Variants in TIRAP observed in about 807,000 individuals in gnomAD.
TIRAP encodes TIR domain containing adaptor protein.
Under a neutral mutation model 19.8 loss-of-function variants are expected in TIRAP, and 20 were observed. The observed-to-expected ratio is 1.01, with a 90% CI of 0.71 to 1.47. The LOEUF (loss-of-function observed/expected upper bound fraction) is 1.47. Among genes scored for constraint, TIRAP ranks in the 40% most tolerant of loss-of-function variants. TIRAP has a pLI of 0.00. For missense variants in TIRAP, 276 were observed against 285.1 expected, an observed-to-expected ratio of 0.97 and a Z score of 0.23; for synonymous variants, 125 against 121.7, an observed-to-expected ratio of 1.03 and a Z score of -0.18.
rs200346561 is a variant in TIRAP, at chr11:126,290,932, G to A, written c.38G>A (p.Arg13Gln). ...ACCTCCCTCCCAGCTCCTGGCTCTC[G>A]GCCTAAGAAGCCTCTAGGCAAGATG... is the stretch of plus-strand genomic sequence containing the variant. ...SSTSLPAPGS[R>Q]PKKPLGKMAD... The change falls in exon 3 of 5, where the codon CGG becomes CAG. Residue 13 changes from arginine to glutamine, a missense_variant. By Grantham distance (43) the Arg-to-Gln change is conservative. Transcript: ENST00000392679. This position sits in a 1 kb window ranked among gnomAD's most constrained non-coding sequence, Gnocchi z 4.9. 7.2e-5 allele frequency: 115 copies of A among 1,606,858 alleles called. No homozygotes were observed. The South Asian group carries it at 1.1e-3, about 15-fold the overall frequency.
rs1336541085 is a variant in TIRAP, at chr11:126,294,515, C to A, written c.*828C>A. The A allele has an allele frequency of 4.4e-6, 2 of 456,274 alleles. No homozygotes were observed. Among genetic ancestry groups the A allele is most frequent in the Non-Finnish European group, 8.8e-6 (2 of 226,960 alleles). 28.3% of individuals were successfully genotyped at this position (456,274 alleles called of 1,614,324 possible). On this transcript the variant is annotated 3_prime_UTR_variant, in exon 5 of 5. Coordinates refer to ENST00000392679, the MANE Select transcript of TIRAP (RefSeq NM_001318777.2). ...GACATCTGGGAGCTTCATCAGTGGT[C>A]TGGCTAAAGCTGATACTTTCACAGT... is the stretch of plus-strand genomic sequence containing the variant.
chr11:126,290,800 T>C lies in TIRAP; in HGVS notation c.-92-3T>C. 1 of 1,515,058 alleles carries C rather than the reference T, an allele frequency of 6.6e-7. No individual in the cohort carries two copies. The highest frequency in any genetic ancestry group is 8.8e-7 in the Non-Finnish European group (1 of 1,134,872). The allele number at this position is 1,515,058 out of a possible 1,614,324, so 93.9% of individuals were successfully genotyped here. ...TGTGATTCTCTCTCTCTACCCTCTG[T>C]AGGATGGCTGCTCCATGAGGTCAAG... On this transcript the variant is annotated splice_region_variant and splice_polypyrimidine_tract_variant and intron_variant, in intron 2 of 4. Transcript: ENST00000392679. The surrounding 1 kb of genome is among the most constrained non-coding windows in gnomAD (Gnocchi z 4.9).
intron 4 of TIRAP, 154 bp downstream of exon 4, chr11:126,293,209 AC>A: frequency 7.0e-7 from 1 of 1,419,544 alleles, no homozygotes; most frequent in Non-Finnish European, 9.6e-7. Context: ...GCACTTATTA[AC>A]CCATAAAAAG....
chr11:126,284,033 CTTTTTTTT>C (rs749115228), intron 1 of TIRAP, among the ~76,000 whole-genome samples: 1 of 113,174 alleles, frequency 8.8e-6, no homozygotes, highest in South Asian at 3.0e-4. Context: ...TCATGTACTT[CTTTTTTTT>C]TTTTTTTTTT....
intron 1 of TIRAP, among the ~76,000 whole-genome samples, chr11:126,283,385 T>C (rs528636775): frequency 6.6e-6 from 1 of 152,230 alleles, no homozygotes; most frequent in Non-Finnish European, 1.5e-5. Flanking sequence ...GAGGAGAATG[T>C]CACCTTTTCT....
At position 126,290,982 on chromosome 11, in the gene TIRAP, G is replaced by A. The variant is rs186799814; in HGVS notation, c.67+21G>A. On this transcript the variant is annotated intron_variant, in intron 3 of 4. Transcript: ENST00000392679. The surrounding 1 kb of genome is among the most constrained non-coding windows in gnomAD (Gnocchi z 4.9). ...GGCTGGTGAGTGGAACCGGACTCGC[G>A]ACTCTGCTGTGTTCCTGAGTGTAGT... 91 of 1,594,370 alleles carry A rather than the reference G, an allele frequency of 5.7e-5. 1 individual carries two copies. In the East Asian group the frequency reaches 1.4e-3, roughly 24 times the overall value.
Position 126,291,249 on chromosome 11 carries a change from T to A in TIRAP, c.67+288T>A, listed in dbSNP as rs1951381032. 1.8e-6 allele frequency: 1 copy of A among 569,788 alleles called. No individual in the cohort carries two copies. The highest frequency in any genetic ancestry group is 1.9e-5 in the African/African-American group (1 of 53,240). 35.3% of individuals were successfully genotyped at this position (569,788 alleles called of 1,614,324 possible). ...TGTGCTGAGTGCTTAACACTGTCTC[T>A]TGTCGTCCAAATCTTTGTTCCAGAA... On this transcript the variant is annotated intron_variant, in intron 3 of 4. Transcript: ENST00000392679. The surrounding 1 kb of genome is among the most constrained non-coding windows in gnomAD (Gnocchi z 5.6).
intron 3 of TIRAP, 141 bp from the exon 4 acceptor site, chr11:126,292,336 C>T (rs1951401168): frequency 1.3e-6 from 1 of 764,964 alleles, no homozygotes; most frequent in African/African-American, 1.8e-5. Context: ...AGCAACAGGT[C>T]TCTGAGAATA....
chr11:126,285,278 A>G (rs1017074416), intron 1 of TIRAP, among the ~76,000 whole-genome samples: 6 of 110,582 alleles, frequency 5.4e-5, no homozygotes, highest in Non-Finnish European at 8.3e-5. Context: ...ATTTTATTTG[A>G]TTTTTGAGAC....
chr11:126,290,538 GT>G lies in TIRAP; in HGVS notation c.-139del. 4 of 1,026,088 alleles carry G rather than the reference GT, an allele frequency of 3.9e-6. No homozygotes were observed. The highest frequency in any genetic ancestry group is 4.7e-6 in the Non-Finnish European group (4 of 857,248). 63.6% of individuals were successfully genotyped at this position (1,026,088 alleles called of 1,614,324 possible). A position where few individuals can be genotyped will look rare whatever the true frequency, so the allele number is the denominator to read the frequency against. On this transcript the variant is annotated 5_prime_UTR_variant, in exon 2 of 5. Coordinates refer to ENST00000392679, the MANE Select transcript of TIRAP (RefSeq NM_001318777.2). This position sits in a 1 kb window ranked among gnomAD's most constrained non-coding sequence, Gnocchi z 4.9. The stretch of plus-strand genomic sequence containing the variant: ...AGATCCCGAATATCCTCCTGGCCAG[GT>G]GGAGCAGAGAACAGTTCCTCAGCTG...
intron 1 of TIRAP, among the ~76,000 whole-genome samples, chr11:126,285,243 G>GTGTGTGTGTATA: frequency 1.9e-5 from 2 of 106,976 alleles, no homozygotes; most frequent in Non-Finnish European, 1.9e-5. Flanking sequence ...GTGTGTGTGT[G>GTGTGTGTGTATA]TATATATATA....
chr11:126,285,479 C>T (rs1367374109), intron 1 of TIRAP, among the ~76,000 whole-genome samples: 1 of 151,302 alleles, frequency 6.6e-6, no homozygotes, highest in Non-Finnish European at 1.5e-5. Flanking sequence ...CCAGGCTGAT[C>T]TTGAACTCCT....
rs758948205 is a variant in TIRAP, at chr11:126,292,752, C to T, written c.343C>T (p.Arg115Cys). Residue 115 changes from arginine (R) to cysteine (C), a missense_variant, in exon 4 of 5, where the codon CGC (arginine) becomes TGC (cysteine). Coordinates refer to ENST00000392679, the MANE Select transcript of TIRAP (RefSeq NM_001318777.2). ...CTTGGAAGGCAGCACTGCCAGCCTG[C>T]GCTGCTTCCTGCAACTCCGGGATGC... ...SYLEGSTASL[R>C]CFLQLRDATP... The T allele has an allele frequency of 1.3e-4, 203 of 1,612,932 alleles. 1 individual carries two copies. In the South Asian group the frequency reaches 1.3e-3, roughly 10 times the overall value.
In TIRAP at chr11:126,288,857, C is replaced by T. The variant is rs1440871600; in HGVS notation, c.-216-1605C>T. 4.6e-5 allele frequency among the ~76,000 whole-genome samples: 7 copies of T among 151,864 alleles called. No individual in the cohort carries two copies. The highest frequency in any genetic ancestry group is 4.6e-4 in the Admixed American group (7 of 15,232). ...AATGATGCTCTAGTTTACAAGTGCA[C>T]CAAGGCCAAATAATTAATATTAAAA... On this transcript the variant is annotated intron_variant, in intron 1 of 4. Transcript: ENST00000392679. This position sits in a 1 kb window ranked among gnomAD's most constrained non-coding sequence, Gnocchi z 5.0.
At chr11:126,286,083 G>A (rs1565363017) in intron 1 of TIRAP, among the ~76,000 whole-genome samples, 1 of 145,088 alleles carries the variant, frequency 6.9e-6, no homozygotes, top group Admixed American at 7.0e-5. Context: ...AAAAAAGGTC[G>A]GGTGTGGTGG....
chr11:126,283,351 G>A (rs1404099474), intron 1 of TIRAP, among the ~76,000 whole-genome samples, 198 bp downstream of exon 1: 3 of 152,154 alleles, frequency 2.0e-5, no homozygotes, highest in Non-Finnish European at 4.4e-5. Flanking sequence ...CCCGCAACAC[G>A]CAAGCGGCAT....
Position 126,291,259 on chromosome 11 carries a change from A to G in TIRAP, c.67+298A>G, listed in dbSNP as rs117512949. The G allele has an allele frequency of 1.5e-3, 832 of 560,796 alleles. 14 individuals carry two copies. The East Asian group carries it at 0.023, about 16-fold the overall frequency. The allele number at this position is 560,796 out of a possible 1,614,324, so 34.7% of individuals were successfully genotyped here. On this transcript the variant is annotated intron_variant, in intron 3 of 4. Coordinates refer to ENST00000392679, the MANE Select transcript of TIRAP (RefSeq NM_001318777.2). This position sits in a 1 kb window ranked among gnomAD's most constrained non-coding sequence, Gnocchi z 5.6. ...GCTTAACACTGTCTCTTGTCGTCCA[A>G]ATCTTTGTTCCAGAACCATTTAGAG... is the stretch of plus-strand genomic sequence containing the variant.
intron 4 of TIRAP, 44 bp from the exon 5 acceptor site, chr11:126,293,624 C>T: frequency 6.2e-7 from 1 of 1,609,654 alleles, no homozygotes; most frequent in East Asian, 2.2e-5. Flanking sequence ...AAAACAGATG[C>T]TGGGTTTGGG....
Position 126,290,816 on chromosome 11 carries a change from T to G in TIRAP, c.-79T>G. On this transcript the variant is annotated 5_prime_UTR_variant, in exon 3 of 5. An upstream start codon of the reference 5' UTR is lost. Coordinates refer to ENST00000392679, the MANE Select transcript of TIRAP (RefSeq NM_001318777.2). This position sits in a 1 kb window ranked among gnomAD's most constrained non-coding sequence, Gnocchi z 4.9. ...TACCCTCTGTAGGATGGCTGCTCCA[T>G]GAGGTCAAGACTGGGTCTCCTCCCT... 1 of 1,525,762 alleles carries G rather than the reference T, an allele frequency of 6.6e-7. No individual in the cohort carries two copies. The highest frequency in any genetic ancestry group is 8.8e-7 in the Non-Finnish European group (1 of 1,138,792). The allele number at this position is 1,525,762 out of a possible 1,614,324, so 94.5% of individuals were successfully genotyped here.
Sources: allele counts gnomAD v4.1 joint callset (sites outside exome capture counted in the v4.1 genomes callset), GRCh38; gene constraint gnomAD v4.1.1; non-coding constraint Gnocchi (gnomAD v3.1); transcripts MANE v1.5; gene names NCBI Gene and HGNC (gene_info 2026-07-23, HGNC 2026-07-21).